BLTP1: variants seen among roughly 807,000 people sequenced by gnomAD.
The protein encoded by BLTP1 is fragile site-associated protein.
chr4:122,313,943 C>T, the BLTP1 span: 487 of 554,726 alleles, frequency 8.8e-4, 4 homozygotes, highest in Non-Finnish European at 1.0e-3. Context: ...GATATACTTT[C>T]TATCCTTCAT....
chr4:122,170,571 T>G, the BLTP1 span: 2 of 1,447,162 alleles, frequency 1.4e-6, no homozygotes, highest in African/African-American at 3.0e-5. Flanking sequence ...CTGTTGCAAT[T>G]TTATAAATCT....
the BLTP1 span, chr4:122,162,746 C>A: frequency 7.1e-6 from 4 of 567,368 alleles, no homozygotes; most frequent in Non-Finnish European, 8.9e-6. Context: ...AAAAAAAAAA[C>A]TGGGAGTAAT....
At chr4:122,240,499 T>G in the BLTP1 span, 1 of 674,716 alleles carries the variant, frequency 1.5e-6, no homozygotes. Context: ...GTATGATAGG[T>G]CACAGAGTTA....
chr4:122,302,295 A>G, the BLTP1 span: 1 of 968,258 alleles, frequency 1.0e-6, no homozygotes, highest in Non-Finnish European at 1.2e-6. Context: ...TATCCTATAC[A>G]GGCATACCTT....
chr4:122,299,643 C>T, the BLTP1 span: 1 of 204,164 alleles, frequency 4.9e-6, no homozygotes, highest in Non-Finnish European at 8.6e-6. Context: ...ACAGTGGAAG[C>T]TTTCCTGGTA....
At chr4:122,226,307 T>G in the BLTP1 span, 4 of 700,514 alleles carry the variant, frequency 5.7e-6, no homozygotes, top group Non-Finnish European at 7.0e-6. Flanking sequence ...TAGCTCAATG[T>G]GATATTTAGA....
the BLTP1 span, among the ~76,000 whole-genome samples, chr4:122,355,107 G>A: frequency 1.3e-5 from 2 of 152,156 alleles, no homozygotes; most frequent in Non-Finnish European, 2.9e-5. Context: ...AGAAGATTAT[G>A]CCTGTACTGA....
the BLTP1 span, chr4:122,239,965 A>G: frequency 3.1e-6 from 5 of 1,614,190 alleles, no homozygotes; most frequent in Non-Finnish European, 3.4e-6. Context: ...CAGATTGACT[A>G]CAGTAGGGGT....
At chr4:122,323,353 G>A in the BLTP1 span, among the ~76,000 whole-genome samples, 2 of 151,492 alleles carry the variant, frequency 1.3e-5, no homozygotes, top group Non-Finnish European at 1.5e-5. Flanking sequence ...CTCCTTACAT[G>A]TGAAACTGAA....
chr4:122,232,157 GTC>G, the BLTP1 span: 1 of 977,478 alleles, frequency 1.0e-6, no homozygotes, highest in Non-Finnish European at 1.2e-6. Context: ...ATTGTGAAGA[GTC>G]TGGGGTTTTT....
the BLTP1 span, chr4:122,293,320 C>T: frequency 2.8e-5 from 8 of 281,876 alleles, no homozygotes; most frequent in Non-Finnish European, 4.3e-5. Context: ...TTTCAACTGA[C>T]GTATTCAGTT....
At chr4:122,217,963 T>C in the BLTP1 span, among the ~76,000 whole-genome samples, 4 of 152,306 alleles carry the variant, frequency 2.6e-5, no homozygotes, top group African/African-American at 9.6e-5. Flanking sequence ...TTTCCAGGAA[T>C]TTATCCATCT....
the BLTP1 span, chr4:122,279,826 A>G: frequency 1.9e-6 from 3 of 1,613,974 alleles, no homozygotes; most frequent in Admixed American, 1.7e-5. Context: ...ACAGTGCCCA[A>G]AGAGGGCTGA....
the BLTP1 span, among the ~76,000 whole-genome samples, chr4:122,303,078 C>T: frequency 3.3e-5 from 5 of 152,222 alleles, no homozygotes; most frequent in African/African-American, 1.2e-4. Context: ...AGGACTTTCA[C>T]AGCTAGAGAG....
the BLTP1 span, chr4:122,225,154 A>G: frequency 2.4e-6 from 1 of 421,252 alleles, no homozygotes; most frequent in Non-Finnish European, 3.2e-6. Flanking sequence ...CATGTCCCAA[A>G]GCAAGATTAC....
chr4:122,213,959 C>G, the BLTP1 span, among the ~76,000 whole-genome samples: 1 of 152,034 alleles, frequency 6.6e-6, no homozygotes, highest in East Asian at 1.9e-4. Context: ...ATAGTGATAA[C>G]ATGTCAGTGG....
At chr4:122,188,396 A>C in the BLTP1 span, 1 of 202,728 alleles carries the variant, frequency 4.9e-6, no homozygotes, top group Non-Finnish European at 8.7e-6. Flanking sequence ...TAGGAGATAC[A>C]CATTACAGGT....
At chr4:122,240,171 C>T in the BLTP1 span, 1 of 1,614,146 alleles carries the variant, frequency 6.2e-7, no homozygotes, top group East Asian at 2.2e-5. Flanking sequence ...TACTCCGCAA[C>T]AACCCGTGAT....
the BLTP1 span, chr4:122,299,693 G>T: frequency 7.6e-6 from 4 of 527,024 alleles, no homozygotes; most frequent in Non-Finnish European, 9.7e-6. Context: ...GGAAGAGGTA[G>T]TTGATAGCTG....
Sources: allele counts gnomAD v4.1 joint callset (sites outside exome capture counted in the v4.1 genomes callset), GRCh38; gene constraint gnomAD v4.1.1; transcripts MANE v1.5; gene names NCBI Gene and HGNC (gene_info 2026-07-23, HGNC 2026-07-21).